The following CAMTA1 variants were observed in gnomAD, a reference collection of about 807,000 sequenced individuals.
CAMTA1 encodes calmodulin binding transcription activator 1.
In CAMTA1, 27 loss-of-function variants were observed where a neutral mutation model predicts 170.9. The observed-to-expected ratio is 0.16, with a 90% CI of 0.12 to 0.22. CAMTA1 has a LOEUF of 0.22. CAMTA1 is among the 10% of genes least tolerant of loss of function. The probability of loss-of-function intolerance (pLI) is 1.00; values close to 1 mark genes in which losing one functional copy is unlikely to be tolerated. For synonymous variants in CAMTA1, 833 were observed against 891.5 expected (o/e 0.93, Z 1.17); for missense variants, 1,619 against 2,217.2 (o/e 0.73, Z 5.42).
intron 5 of CAMTA1, among the ~76,000 whole-genome samples, chr1:7,253,357 T>C (rs576629584): frequency 1.8e-4 from 27 of 152,104 alleles, no homozygotes; most frequent in Non-Finnish European, 3.1e-4. Flanking sequence ...CTGGAAGAAT[T>C]CCTTCCAAGT....
intron 5 of CAMTA1, among the ~76,000 whole-genome samples, chr1:7,366,714 T>A (rs2085995349): frequency 6.6e-6 from 1 of 152,218 alleles, no homozygotes; most frequent in African/African-American, 2.4e-5. Flanking sequence ...TGAAGGCCCT[T>A]GGGCTGCAAG....
chr1:7,731,497 G>A (rs888495079), intron 11 of CAMTA1, among the ~76,000 whole-genome samples: 15 of 151,528 alleles, frequency 9.9e-5, no homozygotes, highest in East Asian at 7.7e-4. Context: ...ACTTTAACCC[G>A]GGAGGCAGAG....
At chr1:7,745,415 A>T (rs891632037) in intron 17 of CAMTA1, among the ~76,000 whole-genome samples, 7 of 152,094 alleles carry the variant, frequency 4.6e-5, no homozygotes, top group Non-Finnish European at 8.8e-5. Flanking sequence ...AATCCCAGCT[A>T]CTTGGGAGGC....
intron 5 of CAMTA1, among the ~76,000 whole-genome samples, chr1:7,407,030 G>A (rs904513767): frequency 3.9e-5 from 6 of 152,200 alleles, no homozygotes; most frequent in African/African-American, 1.4e-4. Context: ...CCCGCAGCCC[G>A]GCGGCACATG....
intron 5 of CAMTA1, among the ~76,000 whole-genome samples, chr1:7,411,912 C>T (rs1363525993): frequency 7.3e-6 from 1 of 137,798 alleles, no homozygotes; most frequent in Non-Finnish European, 1.5e-5. Flanking sequence ...TCCCCCCTCC[C>T]CCCACCCCAC....
chr1:7,273,372 A>G (rs773163960), intron 5 of CAMTA1, among the ~76,000 whole-genome samples: 12 of 152,268 alleles, frequency 7.9e-5, no homozygotes, highest in Non-Finnish European at 1.6e-4. Context: ...TATCCATACA[A>G]TGAAATATTA....
intron 5 of CAMTA1, among the ~76,000 whole-genome samples, chr1:7,318,620 A>C (rs1333423605): frequency 1.3e-5 from 2 of 152,230 alleles, no homozygotes; most frequent in East Asian, 3.8e-4. Flanking sequence ...TGAGAGAGCT[A>C]CCAAATCAGA....
At chr1:7,244,508 C>T (rs1261324824) in intron 4 of CAMTA1, among the ~76,000 whole-genome samples, 1 of 152,228 alleles carries the variant, frequency 6.6e-6, no homozygotes, top group East Asian at 1.9e-4. Context: ...CCAACAATGA[C>T]AGACTGGATT....
intron 6 of CAMTA1, among the ~76,000 whole-genome samples, chr1:7,541,143 T>C (rs1276310626): frequency 6.6e-6 from 1 of 152,256 alleles, no homozygotes; most frequent in Non-Finnish European, 1.5e-5. Context: ...GCCTCCTTTC[T>C]TTCTCCTGCA....
chr1:7,672,816 C>T (rs949920648), intron 10 of CAMTA1, among the ~76,000 whole-genome samples: 7 of 152,068 alleles, frequency 4.6e-5, no homozygotes, highest in African/African-American at 1.4e-4. Flanking sequence ...ACCATCTTCC[C>T]CAAAAAGTTC....
At chr1:7,032,444 T>A (rs559497576) in intron 3 of CAMTA1, among the ~76,000 whole-genome samples, 1 of 152,360 alleles carries the variant, frequency 6.6e-6, no homozygotes, top group Admixed American at 6.5e-5. Context: ...TACCACTTCA[T>A]GTATAGTATA....
intron 5 of CAMTA1, among the ~76,000 whole-genome samples, chr1:7,279,056 A>G (rs1248528639): frequency 6.6e-6 from 1 of 152,098 alleles, no homozygotes; most frequent in East Asian, 1.9e-4. Flanking sequence ...GGCCTGAGGA[A>G]GTGTGTGCTG....
intron 4 of CAMTA1, among the ~76,000 whole-genome samples, chr1:7,209,426 A>G (rs1470041107): frequency 6.6e-6 from 1 of 152,174 alleles, no homozygotes; most frequent in Admixed American, 6.5e-5. Flanking sequence ...GTTGATTCAT[A>G]TCTGAGGCTG....
intron 2 of CAMTA1, among the ~76,000 whole-genome samples, chr1:6,820,563 G>C (rs897476523): frequency 3.3e-5 from 5 of 152,222 alleles, no homozygotes; most frequent in Admixed American, 3.3e-4. Context: ...AGGTGACTTA[G>C]AGTAGGAGCA....
intron 6 of CAMTA1, among the ~76,000 whole-genome samples, chr1:7,586,844 T>G (rs770683037): frequency 6.6e-6 from 1 of 151,982 alleles, no homozygotes; most frequent in East Asian, 1.9e-4. Context: ...GCGGTGGAAC[T>G]GAGGTGCCCC....
intron 4 of CAMTA1, among the ~76,000 whole-genome samples, chr1:7,106,344 G>T (rs574252322): frequency 6.6e-6 from 1 of 152,116 alleles, no homozygotes; most frequent in Admixed American, 6.5e-5. Context: ...AGAGGAAGAA[G>T]AGGGAGCAAA....
chr1:7,002,013 C>T (rs1698294860), intron 3 of CAMTA1, among the ~76,000 whole-genome samples: 1 of 151,814 alleles, frequency 6.6e-6, no homozygotes, highest in African/African-American at 2.4e-5. Flanking sequence ...TCTCCTGCCT[C>T]AGCATCCTGA....
intron 4 of CAMTA1, among the ~76,000 whole-genome samples, chr1:7,230,783 G>A (rs1375610478): frequency 6.6e-6 from 1 of 152,170 alleles, no homozygotes; most frequent in African/African-American, 2.4e-5. Flanking sequence ...CAGCCCCCGG[G>A]AGCCACGCCA....
intron 6 of CAMTA1, among the ~76,000 whole-genome samples, chr1:7,523,213 G>A (rs2094388831): frequency 6.6e-6 from 1 of 152,160 alleles, no homozygotes; most frequent in Non-Finnish European, 1.5e-5. Context: ...ACATCACACT[G>A]ACTTGATTGC....
Sources: allele counts gnomAD v4.1 joint callset (sites outside exome capture counted in the v4.1 genomes callset), GRCh38; gene constraint gnomAD v4.1.1; transcripts MANE v1.5; gene names NCBI Gene and HGNC (gene_info 2026-07-23, HGNC 2026-07-21).